Variants in PLG observed in about 807,000 individuals in gnomAD.
PLG encodes plasmin.
Under a neutral mutation model 104.4 loss-of-function variants are expected in PLG, and 41 were observed. That is an observed-to-expected ratio of 0.39 (90% CI 0.31 to 0.51). The LOEUF is 0.51. Among genes scored for constraint, PLG ranks in the 20% least tolerant of loss-of-function variants. The pLI is 0.76. For missense variants in PLG, 891 were observed against 1,003.6 expected (o/e 0.89, Z 1.52); for synonymous variants, 337 against 357.1 (o/e 0.94, Z 0.63).
rs2115182116 is a variant in PLG, at chr6:160,741,768, C to T, written c.2125+351C>T. On this transcript the variant is annotated intron_variant, in intron 17 of 18. Transcript: ENST00000308192. The surrounding 1 kb of genome is among the most constrained non-coding windows in gnomAD (Gnocchi z 4.7). The stretch of plus-strand genomic sequence containing the variant: ...ATTATTTTGTCACCTAGGTACTAAC[C>T]CTAGTACCCAATTCTTAGTATTTCC... 6.6e-6 allele frequency among the ~76,000 whole-genome samples: 1 copy of T among 152,082 alleles called. No individual in the cohort carries two copies. Among genetic ancestry groups the T allele is most frequent in the African/African-American group, 2.4e-5 (1 of 41,478 alleles).
chr6:160,750,390 T>C (rs576383781), intron 17 of PLG, among the ~76,000 whole-genome samples: 2 of 152,198 alleles, frequency 1.3e-5, no homozygotes, highest in East Asian at 3.8e-4. Context: ...TACTCACAGA[T>C]TGCATCAATT....
Position 160,753,561 on chromosome 6 carries a change from C to A in PLG, c.*500C>A, listed in dbSNP as rs948674248. Among the ~76,000 whole-genome samples the A allele has an allele frequency of 3.9e-5, 6 of 152,100 alleles. No homozygotes were observed. The highest frequency in any genetic ancestry group is 1.2e-4 in the African/African-American group (5 of 41,408). On this transcript the variant is annotated 3_prime_UTR_variant, in exon 19 of 19. Transcript: ENST00000308192. The surrounding 1 kb of genome is among the most constrained non-coding windows in gnomAD (Gnocchi z 5.4). ...GCTGCAACATGTATGGGGAGTCATGCAAACCGATTCTGTTATTGGGAATGA... is the reference window on the plus strand; with the variant it reads ...GCTGCAACATGTATGGGGAGTCATGAAAACCGATTCTGTTATTGGGAATGA...
Position 160,731,084 on chromosome 6 carries a change from T to A in PLG, c.1290T>A (p.Asp430Glu), listed in dbSNP as rs901543025. The change falls in exon 11 of 19, where the codon GAT becomes GAA. Residue 430 changes from aspartate to glutamate, a missense_variant. Asp to Glu is a conservative substitution (Grantham distance 45, BLOSUM62 2). Around this residue, in one of 2 missense-constraint regions of PLG, gnomAD observed 854 missense variants for 932.1 expected, o/e 0.92. Coordinates refer to ENST00000308192, the MANE Select transcript of PLG (RefSeq NM_000301.5). The surrounding 1 kb of genome is among the most constrained non-coding windows in gnomAD (Gnocchi z 5.1). ...CAATGAACTACTGCAGGAATCCAGATGCCGATAAAGGCCCCTGGTGTTTTA... is the reference window on the plus strand; with the variant it reads ...CAATGAACTACTGCAGGAATCCAGAAGCCGATAAAGGCCCCTGGTGTTTTA... ...GLTMNYCRNPDADKGPWCFTT... is the reference protein window; with the variant it reads ...GLTMNYCRNPEADKGPWCFTT... 29 of 1,613,968 alleles carry A rather than the reference T, an allele frequency of 1.8e-5. No homozygotes were observed. The highest frequency in any genetic ancestry group is 2.3e-5 in the Non-Finnish European group (27 of 1,179,976).
intron 17 of PLG, among the ~76,000 whole-genome samples, chr6:160,745,322 TG>T (rs1778260506): frequency 6.6e-6 from 1 of 152,220 alleles, no homozygotes; most frequent in African/African-American, 2.4e-5. Flanking sequence ...TTTATGAAGC[TG>T]GGTGCTCTTG....
chr6:160,706,554 G>A lies in PLG; in HGVS notation c.185+12G>A. On this transcript the variant is annotated intron_variant, in intron 2 of 18. Transcript: ENST00000308192. ...GAATTCACCTGCAGGTATTTCCATTGTCGTTGCACCTACGCAGGAATCTGT... is the reference window on the plus strand; with the variant it reads ...GAATTCACCTGCAGGTATTTCCATTATCGTTGCACCTACGCAGGAATCTGT... 1 of 1,612,598 alleles carries A rather than the reference G, an allele frequency of 6.2e-7. No homozygotes were observed. Among genetic ancestry groups the A allele is most frequent in the Non-Finnish European group, 8.5e-7 (1 of 1,178,826 alleles).
intron 5 of PLG, among the ~76,000 whole-genome samples, chr6:160,714,424 T>C (rs1777696638): frequency 6.6e-6 from 1 of 152,142 alleles, no homozygotes; most frequent in Admixed American, 6.5e-5. Context: ...ATGCCAAATA[T>C]TGAAAACTCC....
intron 7 of PLG, among the ~76,000 whole-genome samples, chr6:160,717,138 A>G (rs1311293993): frequency 6.6e-6 from 1 of 151,872 alleles, no homozygotes; most frequent in East Asian, 1.9e-4. Flanking sequence ...TTGTAAACAA[A>G]GAGTGTCTTT....
At position 160,723,186 on chromosome 6, in the gene PLG, A is replaced by G. The variant is rs1777872875; in HGVS notation, c.1256+619A>G. On this transcript the variant is annotated intron_variant, in intron 10 of 18. Transcript: ENST00000308192. The surrounding 1 kb of genome is among the most constrained non-coding windows in gnomAD (Gnocchi z 4.7). ...ATATAACATAAATATGTATATATAT[A>G]TATTCTGACCTGTATAAACACAGTG... 7.0e-6 allele frequency among the ~76,000 whole-genome samples: 1 copy of G among 142,976 alleles called. No homozygotes were observed. Among genetic ancestry groups the G allele is most frequent in the Non-Finnish European group, 1.5e-5 (1 of 67,698 alleles). 93.8% of individuals were successfully genotyped at this position (142,976 alleles called of 152,430 possible).
At position 160,748,405 on chromosome 6, in the gene PLG, AAAGAAAGAAAGG is replaced by A. The variant is rs1209545141; in HGVS notation, c.2126-3709_2126-3698del. ...GAAAGAAAGAAAGAAAGAAAGGAAG[AAAGAAAGAAAGG>A]GAAAGAAAGAGAACGAAAGAAAGAA... On this transcript the variant is annotated intron_variant, in intron 17 of 18. Transcript: ENST00000308192. Among the ~76,000 whole-genome samples the A allele has an allele frequency of 8.9e-3, 533 of 59,948 alleles. 71 individuals are homozygous for A. Among genetic ancestry groups the A allele is most frequent in the African/African-American group, 0.028 (498 of 17,500 alleles). 39.3% of individuals were successfully genotyped at this position (59,948 alleles called of 152,430 possible).
chr6:160,729,939 A>G (rs1777973350), intron 10 of PLG, among the ~76,000 whole-genome samples: 1 of 152,246 alleles, frequency 6.6e-6, no homozygotes, highest in African/African-American at 2.4e-5. Context: ...GCCTTTTAAC[A>G]CATCCAGTTG....
rs59614420 is a variant in PLG, at chr6:160,707,981, G to A, written c.292+175G>A. The stretch of plus-strand genomic sequence containing the variant: ...ACTAACTAACCATGTCAGCTTGAGT[G>A]TATTACTTCACCTCTTAGATTTAAT... On this transcript the variant is annotated intron_variant, in intron 3 of 18. Coordinates refer to ENST00000308192, the MANE Select transcript of PLG (RefSeq NM_000301.5). 162,098 of 614,602 alleles carry A rather than the reference G, an allele frequency of 0.26. 24,213 individuals carry two copies. Among genetic ancestry groups the A allele is most frequent in the Middle Eastern group, 0.44 (964 of 2,210 alleles). The allele number at this position is 614,602 out of a possible 1,614,324, so 38.1% of individuals were successfully genotyped here.
chr6:160,729,214 T>A (rs1777960914), intron 10 of PLG, among the ~76,000 whole-genome samples: 1 of 152,174 alleles, frequency 6.6e-6, no homozygotes, highest in Non-Finnish European at 1.5e-5. Flanking sequence ...TCACCAACAC[T>A]TAATGGGCAT....
At chr6:160,730,667 G>A (rs1777984960) in intron 10 of PLG, 2 of 251,440 alleles carry the variant, frequency 8.0e-6, no homozygotes, top group Non-Finnish European at 1.6e-5. Context: ...GAGCTAGACA[G>A]TTAGAGATAT....
chr6:160,713,605 T>A (rs1471696696), intron 5 of PLG, among the ~76,000 whole-genome samples: 1 of 152,184 alleles, frequency 6.6e-6, no homozygotes, highest in Non-Finnish European at 1.5e-5. Context: ...TACATCAACA[T>A]GTACAAATAT....
intron 7 of PLG, 141 bp from the exon 8 acceptor site, chr6:160,718,153 G>A: frequency 1.4e-6 from 1 of 723,624 alleles, no homozygotes; most frequent in Non-Finnish European, 2.5e-6. Context: ...TCGGGAGGCT[G>A]AGGCAGGAGA....
At position 160,732,389 on chromosome 6, in the gene PLG, C is replaced by T. The variant is rs767900440; in HGVS notation, c.1587+496C>T. ...GAAAAACCAAAGTGTCTGTGTTCCC[C>T]CACTCTCACACCCATGCAGCATAAC... On this transcript the variant is annotated intron_variant, in intron 12 of 18. Coordinates refer to ENST00000308192, the MANE Select transcript of PLG (RefSeq NM_000301.5). This position sits in a 1 kb window ranked among gnomAD's most constrained non-coding sequence, Gnocchi z 4.5. 5.3e-5 allele frequency among the ~76,000 whole-genome samples: 8 copies of T among 152,092 alleles called. No individual in the cohort carries two copies. The highest frequency in any genetic ancestry group is 7.4e-5 in the Non-Finnish European group (5 of 68,022).
rs1778120433 is a variant in PLG at position 160,738,192 on chromosome 6, G to C, written c.1803-346G>C. Among the ~76,000 whole-genome samples the C allele has an allele frequency of 6.6e-6, 1 of 152,182 alleles. No homozygotes were observed. The highest frequency in any genetic ancestry group is 2.4e-5 in the African/African-American group (1 of 41,442). On this transcript the variant is annotated intron_variant, in intron 14 of 18. Transcript: ENST00000308192. The surrounding 1 kb of genome is among the most constrained non-coding windows in gnomAD (Gnocchi z 6.8). Reference sequence around the variant, plus strand: ...GTCATAAAAATGAAAGAGGCCTCGGGGGAAGGTCTTGGGCTGGTGGCTTCT... The same window carrying C: ...GTCATAAAAATGAAAGAGGCCTCGGCGGAAGGTCTTGGGCTGGTGGCTTCT...
chr6:160,711,570 T>A, intron 4 of PLG: 2 of 1,609,100 alleles, frequency 1.2e-6, no homozygotes, highest in Non-Finnish European at 1.7e-6. Context: ...AACCACAATA[T>A]GTGAATAAGC....
At chr6:160,716,851 G>T in intron 7 of PLG, 88 bp downstream of exon 7, 1 of 844,344 alleles carries the variant, frequency 1.2e-6, no homozygotes, top group Non-Finnish European at 2.1e-6. Context: ...CCTGAGTGCA[G>T]CCTCTGAAAA....
Sources: gnomAD v4.1 joint callset for allele counts (sites outside exome capture counted in the v4.1 genomes callset) on GRCh38, gnomAD v4.1.1 for gene constraint, gnomAD v4.1.1 regional missense constraint, Gnocchi (gnomAD v3.1) non-coding constraint, MANE v1.5 for transcripts, NCBI Gene and HGNC (gene_info 2026-07-23, HGNC 2026-07-21) for gene names.